Variants in PSMD1 observed in about 807,000 individuals in gnomAD.
PSMD1 encodes 26S proteasome non-ATPase regulatory subunit 1.
In PSMD1, 18 loss-of-function variants were observed where a neutral mutation model predicts 119.0. The ratio of observed to expected loss-of-function variants is 0.15; its 90% CI spans 0.10 to 0.22. PSMD1 has a LOEUF of 0.22. PSMD1 is among the 10% of genes least tolerant of loss of function. The pLI, the probability that PSMD1 is intolerant of heterozygous loss-of-function variation, is 1.00. For missense variants in PSMD1, 702 were observed against 1,158.5 expected (o/e 0.61, Z 5.72); for synonymous variants, 374 against 396.6 (o/e 0.94, Z 0.68).
At chr2:231,085,393 G>T (rs1434102844) in intron 15 of PSMD1, among the ~76,000 whole-genome samples, 2 of 152,212 alleles carry the variant, frequency 1.3e-5, no homozygotes, top group Admixed American at 1.3e-4. Context: ...ACCCTCATTT[G>T]TAAGGGATAA....
chr2:231,130,887 G>A (rs541929612), intron 16 of PSMD1, among the ~76,000 whole-genome samples: 19 of 152,266 alleles, frequency 1.2e-4, no homozygotes, highest in South Asian at 1.0e-3. Context: ...GAATTATTTC[G>A]TGATGTTATC....
rs910922345 is a variant in PSMD1, at chr2:231,146,448, A to C, written c.2115+92A>C. On this transcript the variant is annotated intron_variant, in intron 18 of 24. Transcript: ENST00000308696. The stretch of plus-strand genomic sequence containing the variant: ...TTTGAGGACGTTTTTTAGTTCAAAT[A>C]TGGTAAACACTGAAAGTAAAGTAAA... 1.3e-5 allele frequency: 12 copies of C among 893,482 alleles called. No homozygotes were observed. In the South Asian group the frequency reaches 1.5e-4, roughly 11 times the overall value. The allele number at this position is 893,482 out of a possible 1,614,324, so 55.3% of individuals were successfully genotyped here.
In PSMD1 at chr2:231,170,623, G is replaced by T. The variant is rs770301226; in HGVS notation, c.2773G>T (p.Val925Leu). The T allele has an allele frequency of 2.5e-6, 4 of 1,613,988 alleles. No homozygotes were observed. The highest frequency in any genetic ancestry group is 3.4e-6 in the Non-Finnish European group (4 of 1,179,996). ...KDTSEDIEEL[V>L]EPVAAHGPKI... ...TACCAGTGAAGACATTGAGGAGCTG[G>T]TGGAACCTGTGGCAGCACATGGCCC... The change falls in exon 24 of 25, where the codon GTG becomes TTG. Residue 925 changes from valine (V) to leucine (L), a missense_variant. Physicochemically the swap from Val to Leu is conservative, Grantham distance 32 (BLOSUM62 1). Coordinates refer to ENST00000308696, the MANE Select transcript of PSMD1 (RefSeq NM_002807.4). This position sits in a 1 kb window ranked among gnomAD's most constrained non-coding sequence, Gnocchi z 4.1.
intron 19 of PSMD1, among the ~76,000 whole-genome samples, chr2:231,161,128 C>T (rs1696629082): frequency 6.6e-6 from 1 of 151,946 alleles, no homozygotes; most frequent in African/African-American, 2.4e-5. Flanking sequence ...AGGAGGATCC[C>T]TTAAGGCCAG....
chr2:231,091,139 C>T (rs1484169192), intron 16 of PSMD1, among the ~76,000 whole-genome samples: 2 of 152,030 alleles, frequency 1.3e-5, no homozygotes, highest in South Asian at 2.1e-4. Flanking sequence ...CAGAGATGCT[C>T]GTGTTTATTT....
At position 231,108,083 on chromosome 2, in the gene PSMD1, T is replaced by C. The variant is rs965138575; in HGVS notation, c.1883+20902T>C. 8 of 189,438 alleles carry C rather than the reference T, an allele frequency of 4.2e-5. No individual in the cohort carries two copies. In the East Asian group the frequency reaches 4.3e-4, roughly 10 times the overall value. 11.7% of individuals were successfully genotyped at this position (189,438 alleles called of 1,614,324 possible). A position where few individuals can be genotyped will look rare whatever the true frequency, so the allele number is the denominator to read the frequency against. On this transcript the variant is annotated intron_variant, in intron 16 of 24. Transcript: ENST00000308696. Reference sequence around the variant, plus strand: ...ATGTGATCACTGTTTTGTGCACTTATTTTTAGCTCTGTGTTCCTTTTGTTC... The same window carrying C: ...ATGTGATCACTGTTTTGTGCACTTACTTTTAGCTCTGTGTTCCTTTTGTTC...
At chr2:231,166,161 G>T in intron 23 of PSMD1, 144 bp downstream of exon 23, 2 of 939,728 alleles carry the variant, frequency 2.1e-6, no homozygotes, top group South Asian at 2.9e-5. Context: ...AAGAGAGAAT[G>T]TTCTTTTCCA....
At chr2:231,081,994 C>T (rs1335922365) in intron 12 of PSMD1, among the ~76,000 whole-genome samples, 1 of 152,202 alleles carries the variant, frequency 6.6e-6, no homozygotes, top group Non-Finnish European at 1.5e-5. Flanking sequence ...TGTAAACCTA[C>T]TGAAAGAGAG....
rs770519903 is a variant in PSMD1 at position 231,123,768 on chromosome 2, C to G, written c.1884-14968C>G. On this transcript the variant is annotated intron_variant, in intron 16 of 24. Coordinates refer to ENST00000308696, the MANE Select transcript of PSMD1 (RefSeq NM_002807.4). ...ACACTCTGTAAGAGAGAGCCATTTG[C>G]TGTTTTTCTGTGATTCAATCCCGTT... 11 of 1,605,822 alleles carry G rather than the reference C, an allele frequency of 6.9e-6. No homozygotes were observed. The South Asian group carries it at 1.2e-4, about 18-fold the overall frequency.
At chr2:231,089,066 A>G (rs1247384214) in intron 16 of PSMD1, among the ~76,000 whole-genome samples, 1 of 152,196 alleles carries the variant, frequency 6.6e-6, no homozygotes, top group Non-Finnish European at 1.5e-5. Flanking sequence ...AAAGCCCAAT[A>G]CAGAGCAAGA....
chr2:231,142,422 C>G (rs1047615163), intron 17 of PSMD1, among the ~76,000 whole-genome samples: 5 of 152,012 alleles, frequency 3.3e-5, no homozygotes, highest in Admixed American at 1.3e-4. Context: ...TATGTCAGGC[C>G]TCATAAGTTA....
intron 16 of PSMD1, among the ~76,000 whole-genome samples, chr2:231,103,146 G>A (rs1203780869): frequency 6.6e-6 from 1 of 152,276 alleles, no homozygotes; most frequent in Admixed American, 6.5e-5. Flanking sequence ...TCTACAAACT[G>A]TAAAATATTT....
chr2:231,090,369 C>A (rs1001192752), intron 16 of PSMD1, among the ~76,000 whole-genome samples: 6 of 152,166 alleles, frequency 3.9e-5, no homozygotes, highest in African/African-American at 1.4e-4. Flanking sequence ...TGGTGAAACC[C>A]TGTCTGCGGT....
intron 18 of PSMD1, among the ~76,000 whole-genome samples, chr2:231,148,088 TAA>T (rs958417146): frequency 2.0e-5 from 3 of 152,238 alleles, no homozygotes; most frequent in South Asian, 2.1e-4. Context: ...ACGTATTACT[TAA>T]TATACTACAT....
At chr2:231,059,574 A>G (rs147280836) in intron 1 of PSMD1, among the ~76,000 whole-genome samples, 2 of 152,192 alleles carry the variant, frequency 1.3e-5, no homozygotes, top group Non-Finnish European at 2.9e-5. Context: ...TAATACAGAC[A>G]CATAAAGGAA....
chr2:231,125,330 A>C lies in PSMD1; in HGVS notation c.1884-13406A>C, dbSNP rs890078845. Among the ~76,000 whole-genome samples the C allele has an allele frequency of 3.3e-5, 5 of 152,346 alleles. No homozygotes were observed. The East Asian group carries it at 5.8e-4, about 18-fold the overall frequency. ...CTTCAGATAGTTTTGTTTGGGGTTA[A>C]GCCTGAGCTGTTTTTCACATTTGAG... On this transcript the variant is annotated intron_variant, in intron 16 of 24. Transcript: ENST00000308696.
At chr2:231,136,958 A>G (rs539997953) in intron 16 of PSMD1, among the ~76,000 whole-genome samples, 1 of 144,050 alleles carries the variant, frequency 6.9e-6, no homozygotes, top group East Asian at 2.0e-4. Context: ...ATTTACATAT[A>G]GTATATATAT....
rs141307838 is a variant in PSMD1, at chr2:231,110,831, A to G, written c.1883+23650A>G. On this transcript the variant is annotated intron_variant, in intron 16 of 24. Coordinates refer to ENST00000308696, the MANE Select transcript of PSMD1 (RefSeq NM_002807.4). ...TATTGTCTGTGGCTGCTTTTGTTCT[A>G]CTGCAGCAGAATGGAGGAGCTGTGA... 1.5e-3 allele frequency among the ~76,000 whole-genome samples: 225 copies of G among 152,294 alleles called. 2 individuals carry two copies. In the East Asian group the frequency reaches 0.025, roughly 17 times the overall value.
intron 16 of PSMD1, 51 bp downstream of exon 16, chr2:231,087,232 T>C (rs1395102589): frequency 2.0e-6 from 3 of 1,503,718 alleles, no homozygotes; most frequent in Non-Finnish European, 2.8e-6. Flanking sequence ...TTTTTGGAAA[T>C]GTAGTAGTCA....
Sources: gnomAD v4.1 joint callset for allele counts (sites outside exome capture counted in the v4.1 genomes callset) on GRCh38, gnomAD v4.1.1 for gene constraint, Gnocchi (gnomAD v3.1) non-coding constraint, MANE v1.5 for transcripts, NCBI Gene and HGNC (gene_info 2026-07-23, HGNC 2026-07-21) for gene names.